TNFSF11: variants seen among roughly 807,000 people sequenced by gnomAD.
TNFSF11 encodes TNF superfamily member 11.
TNFSF11 carries 12 observed loss-of-function variants against 32.2 expected under a neutral mutation model. That is an observed-to-expected ratio of 0.37 (90% confidence interval 0.24 to 0.60). TNFSF11 has a LOEUF of 0.60. TNFSF11 is among the 20% of genes least tolerant of loss of function. TNFSF11 has a pLI of 0.66. For missense variants in TNFSF11, 345 were observed against 398.0 expected, an observed-to-expected ratio of 0.87 and a Z score of 1.13; for synonymous variants, 172 against 152.1, an observed-to-expected ratio of 1.13 and a Z score of -0.96.
chr13:42,579,704 C>CTTTTTTTTTTTTTTTTTTTTTTTT (rs59375842), intron 1 of TNFSF11, among the ~76,000 whole-genome samples: 1 of 65,492 alleles, frequency 1.5e-5, no homozygotes, highest in Non-Finnish European at 2.7e-5. Flanking sequence ...TAAGTAAGCC[C>CTTTTTTTTTTTTTTTTTTTTTTTT]TTTTTTTTTT....
intron 4 of TNFSF11, among the ~76,000 whole-genome samples, chr13:42,604,180 T>C (rs111729968): frequency 6.6e-6 from 1 of 152,162 alleles, no homozygotes; most frequent in Non-Finnish European, 1.5e-5. Context: ...ACAAATTGAC[T>C]GCAAGAGTGG....
rs750522085 is a variant in TNFSF11 at position 42,606,503 on chromosome 13, A to G, written c.539A>G (p.His180Arg). 4 of 1,614,232 alleles carry G rather than the reference A, an allele frequency of 2.5e-6. No homozygotes were observed. The East Asian group carries it at 8.9e-5, about 36-fold the overall frequency. ...INATDIPSGS[H>R]KVSLSSWYHD... ...ATGCCTCTCTTCTCCACAGGTTCCCATAAAGTGAGTCTGTCCTCTTGGTAC... is the reference window on the plus strand; with the variant it reads ...ATGCCTCTCTTCTCCACAGGTTCCCGTAAAGTGAGTCTGTCCTCTTGGTAC... Residue 180 changes from histidine (H) to arginine (R), a missense_variant, in exon 5 of 5, where the codon CAT becomes CGT. Transcript: ENST00000398795.
chr13:42,580,446 C>T (rs548697040), intron 1 of TNFSF11, among the ~76,000 whole-genome samples: 11 of 152,158 alleles, frequency 7.2e-5, no homozygotes, highest in African/African-American at 1.7e-4. Flanking sequence ...CCCACCCTAA[C>T]GTGATGACAC....
chr13:42,576,409 G>C (rs1873317253), intron 1 of TNFSF11, among the ~76,000 whole-genome samples: 4 of 152,086 alleles, frequency 2.6e-5, no homozygotes, highest in African/African-American at 9.7e-5. Flanking sequence ...TCATCCTTTA[G>C]CAGTCTTGAT....
intron 2 of TNFSF11, among the ~76,000 whole-genome samples, chr13:42,583,278 C>T (rs1295068978): frequency 6.6e-6 from 1 of 151,268 alleles, no homozygotes; most frequent in African/African-American, 2.4e-5. Flanking sequence ...CTGGGCATGG[C>T]AACCTGTGCT....
chr13:42,563,089 G>C (rs772856284), intron 1 of TNFSF11: 2 of 152,156 alleles, frequency 1.3e-5, no homozygotes, highest in Non-Finnish European at 2.9e-5. Flanking sequence ...GAATGAAAGA[G>C]TTCACTCTGA....
At chr13:42,603,521 C>T (rs1869287361) in intron 4 of TNFSF11, among the ~76,000 whole-genome samples, 1 of 152,162 alleles carries the variant, frequency 6.6e-6, no homozygotes, top group Admixed American at 6.5e-5. Flanking sequence ...GACTGGCTCT[C>T]CTCCTTTTCC....
Position 42,581,293 on chromosome 13 carries a change from G to A in TNFSF11, c.387G>A (p.Lys129=), listed in dbSNP as rs372944045. The A allele has an allele frequency of 1.9e-6, 3 of 1,613,878 alleles. No homozygotes were observed. The highest frequency in any genetic ancestry group is 2.5e-6 in the Non-Finnish European group (3 of 1,179,940). The change falls in exon 2 of 5, where the codon AAG becomes AAA. Residue 129 remains lysine, a splice_region_variant and synonymous_variant. Coordinates refer to ENST00000398795, the MANE Select transcript of TNFSF11 (RefSeq NM_003701.4). The stretch of plus-strand genomic sequence containing the variant: ...AGGCCTTTCAAGGAGCTGTGCAAAA[G>A]GTAAGTCCACATCGAGGCTGATAAG... ...IKQAFQGAVQ[K]ELQHIVGSQH...
chr13:42,604,316 C>T (rs765686110), intron 4 of TNFSF11, among the ~76,000 whole-genome samples: 4 of 152,150 alleles, frequency 2.6e-5, no homozygotes, highest in Non-Finnish European at 4.4e-5. Flanking sequence ...CATGCTCACT[C>T]ACTTGGGGCC....
At chr13:42,582,116 C>G (rs905858641) in intron 2 of TNFSF11, among the ~76,000 whole-genome samples, 1 of 152,196 alleles carries the variant, frequency 6.6e-6, no homozygotes, top group African/African-American at 2.4e-5. Flanking sequence ...TGTTGCAACT[C>G]CCTGGGTCTC....
At chr13:42,597,540 A>G (rs981281374) in intron 2 of TNFSF11, among the ~76,000 whole-genome samples, 2 of 152,034 alleles carry the variant, frequency 1.3e-5, no homozygotes, top group African/African-American at 4.8e-5. Context: ...CGGTGGCTTG[A>G]GTCTGCTGCT....
intron 1 of TNFSF11, among the ~76,000 whole-genome samples, chr13:42,566,322 G>T (rs1310907591): frequency 6.6e-6 from 1 of 152,110 alleles, no homozygotes; most frequent in Non-Finnish European, 1.5e-5. Context: ...CATTGCCTAA[G>T]ACCCTTCTAA....
chr13:42,581,391 A>T, intron 2 of TNFSF11, 98 bp downstream of exon 2: 1 of 1,325,404 alleles, frequency 7.5e-7, no homozygotes, highest in Non-Finnish European at 1.1e-6. Context: ...TGCTCTTTTT[A>T]TTCTAATAAT....
At chr13:42,573,153 C>T (rs1331533674), upstream of TNFSF11, among the ~76,000 whole-genome samples, 1 of 151,216 alleles carries the variant, frequency 6.6e-6, no homozygotes, top group East Asian at 1.9e-4. Flanking sequence ...AGTCCAGACA[C>T]AGCCATCCTT....
At chr13:42,574,668 G>C in intron 1 of TNFSF11, 146 bp downstream of exon 1, 3 of 1,115,496 alleles carry the variant, frequency 2.7e-6, no homozygotes, top group Non-Finnish European at 3.9e-6. Flanking sequence ...GAGAGAGGAA[G>C]TGTTGAGTTT....
chr13:42,593,698 G>T (rs1868629212), intron 2 of TNFSF11, among the ~76,000 whole-genome samples: 1 of 152,098 alleles, frequency 6.6e-6, no homozygotes, highest in Non-Finnish European at 1.5e-5. Context: ...TACATGAAGG[G>T]TATCATTAAG....
At chr13:42,591,337 C>A (rs767844689) in intron 2 of TNFSF11, among the ~76,000 whole-genome samples, 1 of 152,122 alleles carries the variant, frequency 6.6e-6, no homozygotes, top group Non-Finnish European at 1.5e-5. Context: ...TACCTACCTT[C>A]GCTCCTCCTA....
At chr13:42,579,059 A>G (rs913238343) in intron 1 of TNFSF11, among the ~76,000 whole-genome samples, 1 of 152,172 alleles carries the variant, frequency 6.6e-6, no homozygotes, top group African/African-American at 2.4e-5. Context: ...GCAAGCCCTC[A>G]GGGAGCCCAC....
At chr13:42,581,728 G>T (rs1035306642) in intron 2 of TNFSF11, among the ~76,000 whole-genome samples, 2 of 152,118 alleles carry the variant, frequency 1.3e-5, no homozygotes, top group African/African-American at 4.8e-5. Context: ...TTGATCCAGG[G>T]CTCTGATGAG....
Sources: allele counts gnomAD v4.1 joint callset (sites outside exome capture counted in the v4.1 genomes callset), GRCh38; gene constraint gnomAD v4.1.1; transcripts MANE v1.5; gene names NCBI Gene and HGNC (gene_info 2026-07-23, HGNC 2026-07-21).